Variants in CAMSAP2 observed in about 807,000 individuals in gnomAD.
CAMSAP2 encodes calmodulin regulated spectrin associated protein family member 2, also known as calmodulin-regulated spectrin-associated protein 2.
In CAMSAP2, 26 loss-of-function variants were observed where a neutral mutation model predicts 146.1. That is an observed-to-expected ratio of 0.18 (90% CI 0.13 to 0.25). The LOEUF (loss-of-function observed/expected upper bound fraction) is 0.25. Among genes scored for constraint, CAMSAP2 ranks in the 10% least tolerant of loss-of-function variants. CAMSAP2 has a pLI of 1.00. For synonymous variants in CAMSAP2, 499 were observed against 596.6 expected, an observed-to-expected ratio of 0.84 and a Z score of 2.38; for missense variants, 1,381 against 1,759.3, an observed-to-expected ratio of 0.78 and a Z score of 3.85.
At chr1:200,817,191 T>TACACACATAA (rs71135399) in intron 4 of CAMSAP2, among the ~76,000 whole-genome samples, 7 of 133,526 alleles carry the variant, frequency 5.2e-5, no homozygotes, top group Admixed American at 1.4e-4. Flanking sequence ...CACACACACA[T>TACACACATAA]GTGTGTGTGT....
At position 200,771,244 on chromosome 1, in the gene CAMSAP2, C is replaced by T. The variant is rs143464796; in HGVS notation, c.399+10146C>T. On this transcript the variant is annotated intron_variant, in intron 2 of 16. Transcript: ENST00000358823. ...GAGATATATCTTGTTTAGTGACCAC[C>T]GACAGGAAGATTTAGATCTACAAAA... Among the ~76,000 whole-genome samples the T allele has an allele frequency of 7.0e-3, 1,067 of 151,682 alleles. 5 individuals are homozygous for T. The highest frequency in any genetic ancestry group is 0.048 in the Middle Eastern group (14 of 292).
chr1:200,819,096 A>G (rs567268278), intron 4 of CAMSAP2, among the ~76,000 whole-genome samples: 1 of 152,280 alleles, frequency 6.6e-6, no homozygotes, highest in East Asian at 1.9e-4. Flanking sequence ...TACTTGTACT[A>G]TATATTATTA....
At chr1:200,851,711 G>C (rs1055256789) in intron 11 of CAMSAP2, among the ~76,000 whole-genome samples, 1 of 152,090 alleles carries the variant, frequency 6.6e-6, no homozygotes, top group African/African-American at 2.4e-5. Context: ...TCCTTGACCT[G>C]AGGTACCATA....
Position 200,832,929 on chromosome 1 carries a change from C to A in CAMSAP2, c.927+84C>A. On this transcript the variant is annotated intron_variant, in intron 6 of 16. Transcript: ENST00000358823. The surrounding 1 kb of genome is among the most constrained non-coding windows in gnomAD (Gnocchi z 4.2). ...CAAACAAAAACACCGGGAACAGTGG[C>A]TCATGCCTGTAATCCCAGTACTTTG... 8.2e-7 allele frequency: 1 copy of A among 1,218,982 alleles called. No individual in the cohort carries two copies. The highest frequency in any genetic ancestry group is 1.1e-6 in the Non-Finnish European group (1 of 894,640). 75.5% of individuals were successfully genotyped at this position (1,218,982 alleles called of 1,614,324 possible).
At chr1:200,776,659 G>A (rs1201068312) in intron 2 of CAMSAP2, among the ~76,000 whole-genome samples, 1 of 152,142 alleles carries the variant, frequency 6.6e-6, no homozygotes, top group Non-Finnish European at 1.5e-5. Flanking sequence ...GGGAGGTGGA[G>A]GTTGCAGTGA....
chr1:200,779,209 C>T (rs1458049285), intron 2 of CAMSAP2, among the ~76,000 whole-genome samples: 3 of 152,094 alleles, frequency 2.0e-5, no homozygotes, highest in Non-Finnish European at 4.4e-5. Flanking sequence ...AATTTATTTG[C>T]CCCAATCCCT....
rs748342674 is a variant in CAMSAP2, at chr1:200,832,897, T to A, written c.927+52T>A. 18 of 1,487,758 alleles carry A rather than the reference T, an allele frequency of 1.2e-5. No homozygotes were observed. The highest frequency in any genetic ancestry group is 5.3e-5 in the South Asian group (4 of 75,334). The allele number at this position is 1,487,758 out of a possible 1,614,324, so 92.2% of individuals were successfully genotyped here. A position where few individuals can be genotyped will look rare whatever the true frequency, so the allele number is the denominator to read the frequency against. Reference sequence around the variant, plus strand: ...TTTGCTTTGTTAAAATATGTTTTTTTAAAAAACAAACAAAAACACCGGGAA... The same window carrying A: ...TTTGCTTTGTTAAAATATGTTTTTTAAAAAAACAAACAAAAACACCGGGAA... On this transcript the variant is annotated intron_variant, in intron 6 of 16. Transcript: ENST00000358823. This position sits in a 1 kb window ranked among gnomAD's most constrained non-coding sequence, Gnocchi z 4.2.
Position 200,857,161 on chromosome 1 carries a change from C to T in CAMSAP2, c.4013-145C>T. On this transcript the variant is annotated intron_variant, in intron 15 of 16. Transcript: ENST00000358823. The surrounding 1 kb of genome is among the most constrained non-coding windows in gnomAD (Gnocchi z 4.7). ...ATAAAACAATGTTTTGGTTGGATTGCAGCCAGTAAGAGGCCTTTAAGCACA... is the reference window on the plus strand; with the variant it reads ...ATAAAACAATGTTTTGGTTGGATTGTAGCCAGTAAGAGGCCTTTAAGCACA... 2 of 658,372 alleles carry T rather than the reference C, an allele frequency of 3.0e-6. No individual in the cohort carries two copies. Among genetic ancestry groups the T allele is most frequent in the South Asian group, 3.6e-5 (2 of 55,776 alleles). The allele number at this position is 658,372 out of a possible 1,614,324, so 40.8% of individuals were successfully genotyped here. A position where few individuals can be genotyped will look rare whatever the true frequency, so the allele number is the denominator to read the frequency against.
chr1:200,776,483 T>G (rs1361800445), intron 2 of CAMSAP2, among the ~76,000 whole-genome samples: 1 of 152,184 alleles, frequency 6.6e-6, no homozygotes, highest in African/African-American at 2.4e-5. Context: ...GGGTCAATGT[T>G]CATCCTGCCT....
chr1:200,799,827 T>C (rs1026442549), intron 2 of CAMSAP2, among the ~76,000 whole-genome samples: 1 of 152,202 alleles, frequency 6.6e-6, no homozygotes, highest in Non-Finnish European at 1.5e-5. Flanking sequence ...TAAATTTCAC[T>C]CTAAACACTG....
intron 2 of CAMSAP2, among the ~76,000 whole-genome samples, chr1:200,766,920 T>C (rs190105168): frequency 2.0e-5 from 3 of 152,350 alleles, no homozygotes; most frequent in Admixed American, 2.0e-4. Context: ...TTAAAGGTTA[T>C]GTTAATTCCA....
chr1:200,759,557 G>A (rs1317773616), intron 1 of CAMSAP2, among the ~76,000 whole-genome samples: 5 of 152,196 alleles, frequency 3.3e-5, no homozygotes, highest in South Asian at 2.1e-4. Flanking sequence ...GATTACGGGC[G>A]TGAGCCACCG....
At chr1:200,821,736 A>G (rs1666771633) in intron 4 of CAMSAP2, among the ~76,000 whole-genome samples, 1 of 152,156 alleles carries the variant, frequency 6.6e-6, no homozygotes, top group South Asian at 2.1e-4. Flanking sequence ...CAGGAAACAC[A>G]ACAACCTAGA....
intron 3 of CAMSAP2, among the ~76,000 whole-genome samples, chr1:200,814,563 C>G (rs900413375): frequency 8.0e-6 from 1 of 124,714 alleles, no homozygotes; most frequent in Non-Finnish European, 1.6e-5. Flanking sequence ...TGAGCTGACA[C>G]AGTGCCACTG....
At chr1:200,776,437 C>T (rs772283227) in intron 2 of CAMSAP2, among the ~76,000 whole-genome samples, 1 of 152,178 alleles carries the variant, frequency 6.6e-6, no homozygotes, top group East Asian at 1.9e-4. Flanking sequence ...TATTTTCCTA[C>T]GACAACCAAA....
chr1:200,831,243 A>G (rs1667035921), intron 4 of CAMSAP2, among the ~76,000 whole-genome samples: 1 of 152,226 alleles, frequency 6.6e-6, no homozygotes, highest in Non-Finnish European at 1.5e-5. Flanking sequence ...TTAACAGCTA[A>G]TAATAGCTAA....
intron 15 of CAMSAP2, among the ~76,000 whole-genome samples, chr1:200,856,783 G>C (rs1667761903): frequency 6.6e-6 from 1 of 152,072 alleles, no homozygotes; most frequent in Admixed American, 6.5e-5. Context: ...CCCTAGAAAG[G>C]CCTAAGGAGG....
chr1:200,745,444 C>G (rs1251014937), intron 1 of CAMSAP2, among the ~76,000 whole-genome samples: 1 of 151,804 alleles, frequency 6.6e-6, no homozygotes, highest in Non-Finnish European at 1.5e-5. Context: ...ACTGATTTCA[C>G]AAATATTCAA....
chr1:200,817,187 C>T (rs61827524), intron 4 of CAMSAP2, among the ~76,000 whole-genome samples: 37,833 of 70,958 alleles, frequency 0.53, 6,385 homozygotes, highest in Middle Eastern at 0.57. Context: ...TACACACACA[C>T]ACATGTGTGT....
Sources: allele counts gnomAD v4.1 joint callset (sites outside exome capture counted in the v4.1 genomes callset), GRCh38; gene constraint gnomAD v4.1.1; non-coding constraint Gnocchi (gnomAD v3.1); transcripts MANE v1.5; gene names NCBI Gene and HGNC (gene_info 2026-07-23, HGNC 2026-07-21).